Variants in MAGT1 observed in about 807,000 individuals in gnomAD.
MAGT1 encodes magnesium transporter 1.
Under a neutral mutation model 28.4 loss-of-function variants are expected in MAGT1, and 4 were observed. That is an observed-to-expected ratio of 0.14 (90% CI 0.07 to 0.32). The LOEUF is 0.32. Ranked by LOEUF, MAGT1 falls within the 10% of genes least tolerant of loss-of-function variation. The probability of loss-of-function intolerance (pLI) is 1.00; values close to 1 mark genes in which losing one functional copy is unlikely to be tolerated. For missense variants in MAGT1, 193 were observed against 264.5 expected, an observed-to-expected ratio of 0.73 and a Z score of 1.88; for synonymous variants, 89 against 89.7, an observed-to-expected ratio of 0.99 and a Z score of 0.04.
At chrX:77,878,304 A>G (rs1368950470) in intron 1 of MAGT1, among the ~76,000 whole-genome samples, 3 of 98,868 alleles carry the variant, frequency 3.0e-5, no homozygotes, top group African/African-American at 1.1e-4. Context: ...AAAAAAAAAA[A>G]AAAAAAAAGA....
intron 1 of MAGT1, among the ~76,000 whole-genome samples, chrX:77,884,751 G>C (rs2077062473): frequency 9.3e-6 from 1 of 107,218 alleles, no homozygotes; most frequent in East Asian, 3.0e-4. Context: ...ATATCTCCTG[G>C]GGAGCAAAAT....
intron 3 of MAGT1, among the ~76,000 whole-genome samples, chrX:77,868,919 T>C (rs1055291090): frequency 3.6e-5 from 4 of 111,991 alleles, no homozygotes; most frequent in Non-Finnish European, 7.5e-5. Context: ...CAACAAAAGA[T>C]CTACTTTTCT....
At chrX:77,833,812 AT>A (rs1247619042) in intron 8 of MAGT1, among the ~76,000 whole-genome samples, 9 of 111,786 alleles carry the variant, frequency 8.1e-5, no homozygotes, top group South Asian at 7.3e-4. Flanking sequence ...CAAAAGACCA[AT>A]GATAGTCAAA....
chrX:77,852,436 T>G (rs2076971124), intron 7 of MAGT1, among the ~76,000 whole-genome samples: 1 of 111,996 alleles, frequency 8.9e-6, no homozygotes, highest in Non-Finnish European at 1.9e-5. Flanking sequence ...ATCATCAACA[T>G]AGTATAATAA....
At chrX:77,870,045 T>A (rs2077016724) in intron 3 of MAGT1, among the ~76,000 whole-genome samples, 1 of 112,263 alleles carries the variant, frequency 8.9e-6, no homozygotes, top group Admixed American at 9.5e-5. Context: ...GTGGTACATA[T>A]AAATCATGGA....
chrX:77,863,753 T>C (rs1292465996), intron 3 of MAGT1, among the ~76,000 whole-genome samples: 2 of 111,927 alleles, frequency 1.8e-5, no homozygotes, highest in Non-Finnish European at 3.8e-5. Flanking sequence ...CGCAGTGGCT[T>C]GCGCCTGTAA....
At chrX:77,882,663 C>T (rs1275560566) in intron 1 of MAGT1, among the ~76,000 whole-genome samples, 1 of 110,642 alleles carries the variant, frequency 9.0e-6, no homozygotes, top group African/African-American at 3.3e-5. Flanking sequence ...CGTTTTCAAG[C>T]AGGTCTACAT....
intron 8 of MAGT1, among the ~76,000 whole-genome samples, chrX:77,836,445 C>T (rs1208089970): frequency 9.0e-6 from 1 of 111,586 alleles, no homozygotes; most frequent in African/African-American, 3.3e-5. Context: ...CTGCAGTCTC[C>T]GTGATGTGAC....
Position 77,842,457 on chromosome X carries a change from C to G in MAGT1, c.827-1137G>C, listed in dbSNP as rs1719924841. Among the ~76,000 whole-genome samples the G allele has an allele frequency of 3.6e-5, 4 of 111,363 alleles. No individual in the cohort carries two copies. The Admixed American group carries it at 3.9e-4, about 11-fold the overall frequency. On this transcript the variant is annotated intron_variant, in intron 7 of 9. Coordinates refer to ENST00000618282, the MANE Select transcript of MAGT1 (RefSeq NM_001367916.1). The stretch of plus-strand genomic sequence containing the variant: ...TTAAATTTTTCCCATGCCAAGATGC[C>G]AAAAGTACATCAATAATTAGCCTTT...
intron 1 of MAGT1, among the ~76,000 whole-genome samples, chrX:77,887,615 C>T (rs2077071107): frequency 8.9e-6 from 1 of 111,774 alleles, no homozygotes; most frequent in African/African-American, 3.2e-5. Context: ...TCCAAAGTCA[C>T]AACCTTCAAA....
At chrX:77,842,415 CAAT>C (rs1569547894) in intron 7 of MAGT1, among the ~76,000 whole-genome samples, 1 of 111,294 alleles carries the variant, frequency 9.0e-6, no homozygotes, top group African/African-American at 3.3e-5. Flanking sequence ...TCCATATTTT[CAAT>C]AATACTTTAT....
intron 1 of MAGT1, among the ~76,000 whole-genome samples, chrX:77,884,587 T>G (rs1387795207): frequency 9.1e-6 from 1 of 110,373 alleles, no homozygotes; most frequent in Non-Finnish European, 1.9e-5. Context: ...AAAGCAACAC[T>G]ACCGACGTCT....
upstream of MAGT1, chrX:77,895,443 T>A: frequency 8.3e-7 from 1 of 1,204,182 alleles, no homozygotes; most frequent in Non-Finnish European, 1.1e-6. Flanking sequence ...AGTGAAACTT[T>A]GCTCCGGCTA....
Position 77,856,951 on chromosome X carries a change from T to C in MAGT1, c.532-78A>G, listed in dbSNP as rs782220306. The stretch of plus-strand genomic sequence containing the variant: ...ATATGGGTCAAAATAAAATCTGAAA[T>C]GAAAGCAATCAAAATTATTGTGGTT... On this transcript the variant is annotated intron_variant, in intron 4 of 9. Transcript: ENST00000618282. 104 of 918,617 alleles carry C rather than the reference T, an allele frequency of 1.1e-4. No individual in the cohort carries two copies. In the African/African-American group the frequency reaches 1.4e-3, roughly 12 times the overall value. 75.7% of individuals were successfully genotyped at this position (918,617 alleles called of 1,213,427 possible).
intron 1 of MAGT1, among the ~76,000 whole-genome samples, chrX:77,893,678 T>C (rs1381258745): frequency 8.9e-6 from 1 of 112,238 alleles, no homozygotes; most frequent in African/African-American, 3.2e-5. Context: ...GAAGCAACAC[T>C]TGAGCCCAGG....
intron 8 of MAGT1, among the ~76,000 whole-genome samples, chrX:77,833,360 A>G (rs2076904527): frequency 8.9e-6 from 1 of 112,452 alleles, no homozygotes; most frequent in African/African-American, 3.2e-5. Flanking sequence ...ATATTATTCT[A>G]TTTACAGCAC....
intron 1 of MAGT1, among the ~76,000 whole-genome samples, chrX:77,884,010 T>A (rs1418923557): frequency 1.8e-5 from 2 of 110,189 alleles, no homozygotes; most frequent in African/African-American, 3.3e-5. Context: ...CTGGCCAACA[T>A]CGTGAAACCC....
At position 77,893,780 on chromosome X, in the gene MAGT1, C is replaced by T. The variant is rs1223892477; in HGVS notation, c.102+1529G>A. 5.4e-5 allele frequency among the ~76,000 whole-genome samples: 6 copies of T among 110,508 alleles called. No individual in the cohort carries two copies. The Admixed American group carries it at 5.8e-4, about 11-fold the overall frequency. ...GATATTGTGGCACATGCCGGTAGTC[C>T]TAGATATTCGGGAGGTGGAGGTGGA... On this transcript the variant is annotated intron_variant, in intron 1 of 9. Transcript: ENST00000618282.
At chrX:77,887,036 T>C in intron 1 of MAGT1, among the ~76,000 whole-genome samples, 1 of 112,057 alleles carries the variant, frequency 8.9e-6, no homozygotes, top group East Asian at 2.8e-4. Flanking sequence ...TCACTGGTCC[T>C]CTTTTTTGTC....
Sources: allele counts gnomAD v4.1 joint callset (sites outside exome capture counted in the v4.1 genomes callset), GRCh38; gene constraint gnomAD v4.1.1; transcripts MANE v1.5; gene names NCBI Gene and HGNC (gene_info 2026-07-23, HGNC 2026-07-21).